Variants in ANO10 observed in about 807,000 individuals in gnomAD.
ANO10 encodes anoctamin-10.
Under a neutral mutation model 74.7 loss-of-function variants are expected in ANO10, and 77 were observed. The observed-to-expected ratio is 1.03, with a 90% confidence interval of 0.86 to 1.25. The LOEUF (loss-of-function observed/expected upper bound fraction) is 1.25, where lower values mean the gene tolerates loss of function less well. Among genes scored for constraint, ANO10 ranks in the 50% most tolerant of loss-of-function variants. ANO10 has a pLI of 0.00. For synonymous variants in ANO10, 279 were observed against 284.9 expected, an observed-to-expected ratio of 0.98 and a Z score of 0.21; for missense variants, 721 against 778.1, an observed-to-expected ratio of 0.93 and a Z score of 0.87.
At chr3:43,421,517 G>A (rs1251016046) in intron 12 of ANO10, among the ~76,000 whole-genome samples, 1 of 151,270 alleles carries the variant, frequency 6.6e-6, no homozygotes, top group Non-Finnish European at 1.5e-5. Context: ...GTGACATCCT[G>A]TCTCAAAAAA....
chr3:43,543,639 G>A (rs1040634355), intron 11 of ANO10, among the ~76,000 whole-genome samples: 3 of 152,086 alleles, frequency 2.0e-5, no homozygotes, highest in Non-Finnish European at 4.4e-5. Context: ...TGCCCGCTTC[G>A]GCCTCCCAAA....
chr3:43,465,633 A>G (rs1032395796), intron 11 of ANO10, among the ~76,000 whole-genome samples: 2 of 152,126 alleles, frequency 1.3e-5, no homozygotes, highest in African/African-American at 4.8e-5. Flanking sequence ...AGCCTGGACA[A>G]CAGGGTGAGA....
chr3:43,621,376 A>G (rs2083383455), intron 1 of ANO10, among the ~76,000 whole-genome samples: 3 of 152,036 alleles, frequency 2.0e-5, no homozygotes, highest in African/African-American at 7.2e-5. Flanking sequence ...CCTCGATGTG[A>G]GCATTATCCT....
At chr3:43,535,267 CTTTTT>C (rs71616100) in intron 11 of ANO10, among the ~76,000 whole-genome samples, 2 of 107,892 alleles carry the variant, frequency 1.9e-5, no homozygotes, top group Admixed American at 1.1e-4. Context: ...CCTAGACATT[CTTTTT>C]TTTTTTTTTT....
At chr3:43,424,029 C>T (rs1205195239) in intron 12 of ANO10, among the ~76,000 whole-genome samples, 2 of 152,296 alleles carry the variant, frequency 1.3e-5, no homozygotes, top group Middle Eastern at 3.4e-3. Context: ...TGAGTTGGTC[C>T]TCCTCCTCCC....
At chr3:43,494,856 C>A (rs2076858343) in intron 11 of ANO10, among the ~76,000 whole-genome samples, 1 of 152,014 alleles carries the variant, frequency 6.6e-6, no homozygotes, top group African/African-American at 2.4e-5. Context: ...AATTCATATA[C>A]AAATGTAACA....
At chr3:43,617,968 A>C (rs931529405) in intron 1 of ANO10, 19 of 152,378 alleles carry the variant, frequency 1.2e-4, no homozygotes, top group African/African-American at 4.6e-4. Flanking sequence ...GGCCAGGCTA[A>C]AAGAGGGCCA....
chr3:43,402,258 C>T (rs1048604693), intron 12 of ANO10, among the ~76,000 whole-genome samples: 2 of 152,178 alleles, frequency 1.3e-5, no homozygotes, highest in East Asian at 1.9e-4. Flanking sequence ...TCAGCCCCTG[C>T]GCATGAGCTC....
intron 12 of ANO10, among the ~76,000 whole-genome samples, chr3:43,382,412 G>C (rs961176744): frequency 1.3e-5 from 2 of 151,554 alleles, no homozygotes; most frequent in African/African-American, 4.8e-5. Context: ...CCAGCTACTC[G>C]GGAGGCTGAG....
intron 4 of ANO10, among the ~76,000 whole-genome samples, chr3:43,592,393 A>T (rs2081830533): frequency 6.6e-6 from 1 of 152,174 alleles, no homozygotes; most frequent in African/African-American, 2.4e-5. Context: ...CCCCTCTGAG[A>T]CAAAGCTTCC....
rs576395031 is a variant in ANO10 at position 43,511,168 on chromosome 3, G to A, written c.1797+38552C>T. On this transcript the variant is annotated intron_variant, in intron 11 of 12. Transcript: ENST00000292246. ...AAAGAGATAATGCCAATAAAATAAT[G>A]GACTGCAACATGCACAAAATAAAAA... 2.6e-5 allele frequency among the ~76,000 whole-genome samples: 4 copies of A among 152,012 alleles called. No homozygotes were observed. The East Asian group carries it at 7.7e-4, about 29-fold the overall frequency.
intron 1 of ANO10, among the ~76,000 whole-genome samples, chr3:43,660,903 G>A (rs1336736046): frequency 1.3e-5 from 2 of 152,150 alleles, no homozygotes; most frequent in Non-Finnish European, 1.5e-5. Flanking sequence ...GCGTTGAGCC[G>A]AGATCATGTC....
In ANO10 at chr3:43,593,321, G is replaced by T. The variant is rs555273505; in HGVS notation, c.472+5211C>A. 6.6e-5 allele frequency among the ~76,000 whole-genome samples: 10 copies of T among 152,280 alleles called. No individual in the cohort carries two copies. In the East Asian group the frequency reaches 1.4e-3, roughly 21 times the overall value. On this transcript the variant is annotated intron_variant, in intron 4 of 12. Transcript: ENST00000292246. Reference sequence around the variant, plus strand: ...ACACATAATTGTTAGATTCACCAAAGTTGAAATGAAGGAAAAAATGTTAAG... The same window carrying T: ...ACACATAATTGTTAGATTCACCAAATTTGAAATGAAGGAAAAAATGTTAAG...
intron 1 of ANO10, among the ~76,000 whole-genome samples, chr3:43,672,818 T>C (rs1358235199): frequency 6.6e-6 from 1 of 152,190 alleles, no homozygotes; most frequent in Non-Finnish European, 1.5e-5. Context: ...GTGGTATATT[T>C]ATAAATCAGC....
chr3:43,517,682 T>G (rs948214432), intron 11 of ANO10, among the ~76,000 whole-genome samples: 2 of 152,184 alleles, frequency 1.3e-5, no homozygotes, highest in Non-Finnish European at 2.9e-5. Flanking sequence ...CTTGCTTGGA[T>G]TTTTGTTCTT....
At chr3:43,657,228 A>T (rs947732813) in intron 1 of ANO10, among the ~76,000 whole-genome samples, 1 of 152,242 alleles carries the variant, frequency 6.6e-6, no homozygotes, top group Non-Finnish European at 1.5e-5. Flanking sequence ...ATCTCCAGGA[A>T]TAAAGTCTGG....
intron 12 of ANO10, among the ~76,000 whole-genome samples, chr3:43,396,021 C>T (rs1220276868): frequency 1.3e-5 from 2 of 151,984 alleles, no homozygotes; most frequent in African/African-American, 4.8e-5. Context: ...TGTGAGTAGA[C>T]AGTTTTTTAC....
chr3:43,381,505 A>T (rs1456210384), intron 12 of ANO10, among the ~76,000 whole-genome samples: 3 of 152,240 alleles, frequency 2.0e-5, no homozygotes, highest in Non-Finnish European at 4.4e-5. Flanking sequence ...GAAATAGTCC[A>T]ACCAGAAAAT....
rs1304259325 is a variant in ANO10 at position 43,643,559 on chromosome 3, GACTT to G, written c.-11-37700_-11-37697del. On this transcript the variant is annotated intron_variant, in intron 1 of 3. Coordinates refer to the ANO10 transcript ENST00000413397. The stretch of plus-strand genomic sequence containing the variant: ...GCGTCATTTCATATGTGTAGGGAGT[GACTT>G]GCATTTCTTTTCGCTCTGTTCTCAC... Among the ~76,000 whole-genome samples the G allele has an allele frequency of 2.6e-5, 4 of 151,674 alleles. 1 individual carries two copies. The highest frequency in any genetic ancestry group is 9.7e-5 in the African/African-American group (4 of 41,090).
Sources: allele counts gnomAD v4.1 joint callset (sites outside exome capture counted in the v4.1 genomes callset), GRCh38; gene constraint gnomAD v4.1.1; transcripts MANE v1.5; gene names NCBI Gene and HGNC (gene_info 2026-07-23, HGNC 2026-07-21).